ADK: variants seen among roughly 807,000 people sequenced by gnomAD.
ADK encodes adenosine kinase.
A neutral mutation model predicts 44.7 loss-of-function variants in ADK; 24 were observed. That is an observed-to-expected ratio of 0.54 (90% confidence interval 0.39 to 0.76). The LOEUF (loss-of-function observed/expected upper bound fraction) is 0.76, where lower values mean the gene tolerates loss of function less well. Among genes scored for constraint, ADK ranks in the 30% least tolerant of loss-of-function variants. The pLI, the probability that ADK is intolerant of heterozygous loss-of-function variation, is 0.00. For missense variants in ADK, 321 were observed against 425.1 expected (o/e 0.76, Z 2.15); for synonymous variants, 128 against 142.6 (o/e 0.90, Z 0.73).
intron 7 of ADK, among the ~76,000 whole-genome samples, chr10:74,553,416 G>A (rs534383541): frequency 1.3e-5 from 2 of 151,870 alleles, no homozygotes; most frequent in Non-Finnish European, 2.9e-5. Flanking sequence ...GGCCAGGATG[G>A]TCTCGATCTC....
intron 4 of ADK, among the ~76,000 whole-genome samples, chr10:74,368,125 C>T (rs1309149801): frequency 1.3e-5 from 2 of 151,980 alleles, no homozygotes; most frequent in Non-Finnish European, 2.9e-5. Context: ...TGTCTTTTTC[C>T]CAGGAACAAT....
At chr10:74,217,423 G>C (rs936743647) in intron 2 of ADK, among the ~76,000 whole-genome samples, 4 of 152,226 alleles carry the variant, frequency 2.6e-5, no homozygotes, top group African/African-American at 9.6e-5. Context: ...GCCTCTGTAG[G>C]TTGCACCTCT....
intron 10 of ADK, among the ~76,000 whole-genome samples, chr10:74,694,455 CAG>C (rs1420794603): frequency 1.3e-5 from 2 of 151,784 alleles, no homozygotes; most frequent in African/African-American, 4.8e-5. Context: ...ATATGCAAAA[CAG>C]AAGGTTTGGG....
At position 74,663,908 on chromosome 10, in the gene ADK, G is replaced by C. The variant is rs186320323; in HGVS notation, c.878-6275G>C. Among the ~76,000 whole-genome samples, 249 of 152,204 alleles carry C rather than the reference G, an allele frequency of 1.6e-3. 2 individuals carry two copies. The highest frequency in any genetic ancestry group is 5.9e-3 in the African/African-American group (244 of 41,514). On this transcript the variant is annotated intron_variant, in intron 9 of 10. Transcript: ENST00000539909. ...CTCATATCCTGATATGTGTGTCCTAGTGAAAAGAAAAGCATTTCCGGATTC... is the reference window on the plus strand; with the variant it reads ...CTCATATCCTGATATGTGTGTCCTACTGAAAAGAAAAGCATTTCCGGATTC...
Position 74,458,146 on chromosome 10 carries a change from T to TGG in ADK, c.555+59572_555+59573dup, listed in dbSNP as rs1319327365. On this transcript the variant is annotated intron_variant, in intron 6 of 10. Transcript: ENST00000539909. ...TTTTTTTTTTTTTTTTTTTTTTTTT[T>TGG]GGGGGGAGAAGGTCTCACTCTGTTG... Among the ~76,000 whole-genome samples, 434 of 106,342 alleles carry TGG rather than the reference T, an allele frequency of 4.1e-3. 7 individuals carry two copies. Among genetic ancestry groups the TGG allele is most frequent in the African/African-American group, 0.013 (350 of 26,054 alleles). 69.8% of individuals were successfully genotyped at this position (106,342 alleles called of 152,430 possible).
chr10:74,478,278 G>T (rs1490949409), intron 6 of ADK, among the ~76,000 whole-genome samples: 6 of 152,132 alleles, frequency 3.9e-5, no homozygotes, highest in African/African-American at 1.2e-4. Context: ...AGAGTGCAGT[G>T]GAGCCATCAC....
At chr10:74,169,037 G>A (rs1842100642) in intron 1 of ADK, among the ~76,000 whole-genome samples, 1 of 152,056 alleles carries the variant, frequency 6.6e-6, no homozygotes, top group East Asian at 1.9e-4. Flanking sequence ...ACCAGCCTGG[G>A]CAACATCGTG....
chr10:74,295,005 G>A (rs1839762157), intron 3 of ADK, among the ~76,000 whole-genome samples: 1 of 151,986 alleles, frequency 6.6e-6, no homozygotes, highest in Non-Finnish European at 1.5e-5. Flanking sequence ...ACAGGCGTAT[G>A]CCATCATGCC....
intron 6 of ADK, among the ~76,000 whole-genome samples, chr10:74,480,744 T>A (rs1459673032): frequency 6.6e-6 from 1 of 152,186 alleles, no homozygotes; most frequent in Non-Finnish European, 1.5e-5. Flanking sequence ...TATGCAATAA[T>A]AAGCTGGAAA....
At chr10:74,298,035 A>T (rs759274159) in intron 3 of ADK, among the ~76,000 whole-genome samples, 1 of 152,042 alleles carries the variant, frequency 6.6e-6, no homozygotes, top group Non-Finnish European at 1.5e-5. Context: ...AAAGGAGAAA[A>T]TCTCATGGTT....
At chr10:74,513,634 G>A (rs981756753) in intron 6 of ADK, among the ~76,000 whole-genome samples, 9 of 152,034 alleles carry the variant, frequency 5.9e-5, no homozygotes, top group African/African-American at 1.9e-4. Context: ...GGTGATACAA[G>A]TTTCTTGTAG....
chr10:74,180,434 T>G (rs1400019829), intron 1 of ADK, among the ~76,000 whole-genome samples: 1 of 146,592 alleles, frequency 6.8e-6, no homozygotes, highest in Non-Finnish European at 1.5e-5. Flanking sequence ...AGACGGAGTT[T>G]CATCATGTTG....
At chr10:74,439,567 A>G (rs1414772666) in intron 6 of ADK, among the ~76,000 whole-genome samples, 1 of 152,160 alleles carries the variant, frequency 6.6e-6, no homozygotes, top group Non-Finnish European at 1.5e-5. Context: ...TTATCAGCCT[A>G]CCCAGTGGAA....
At chr10:74,501,757 C>T (rs1847892330) in intron 6 of ADK, among the ~76,000 whole-genome samples, 1 of 152,016 alleles carries the variant, frequency 6.6e-6, no homozygotes, top group South Asian at 2.1e-4. Flanking sequence ...CATAAAGGAT[C>T]ACATATTGTA....
intron 3 of ADK, among the ~76,000 whole-genome samples, chr10:74,226,801 T>A (rs534254086): frequency 3.8e-4 from 58 of 152,302 alleles, no homozygotes; most frequent in African/African-American, 1.4e-3. Context: ...CAGATTAACA[T>A]TCTGTTGTTT....
chr10:74,319,914 A>G (rs1840752576), intron 4 of ADK, among the ~76,000 whole-genome samples: 1 of 152,166 alleles, frequency 6.6e-6, no homozygotes, highest in African/African-American at 2.4e-5. Context: ...TTACGTCTTT[A>G]TATATTGCAT....
intron 10 of ADK, among the ~76,000 whole-genome samples, chr10:74,696,752 G>A (rs1165528096): frequency 2.0e-5 from 3 of 152,046 alleles, no homozygotes; most frequent in Non-Finnish European, 2.9e-5. Flanking sequence ...ATTTTCTGCA[G>A]TTATTGGGTA....
intron 3 of ADK, among the ~76,000 whole-genome samples, chr10:74,301,853 T>A (rs983892836): frequency 2.2e-4 from 34 of 152,030 alleles, no homozygotes; most frequent in Admixed American, 2.0e-3. Flanking sequence ...TTTAAAGTTC[T>A]TGCATTTCGA....
chr10:74,322,773 C>T (rs1840861446), intron 4 of ADK, among the ~76,000 whole-genome samples: 1 of 151,646 alleles, frequency 6.6e-6, no homozygotes, highest in South Asian at 2.1e-4. Context: ...CTCTCCCCTT[C>T]CCTTCTTTCT....
Sources: allele counts gnomAD v4.1 joint callset (sites outside exome capture counted in the v4.1 genomes callset), GRCh38; gene constraint gnomAD v4.1.1; transcripts MANE v1.5; gene names NCBI Gene and HGNC (gene_info 2026-07-23, HGNC 2026-07-21).